PPP1R2: variants seen among roughly 807,000 people sequenced by gnomAD.
The protein encoded by PPP1R2 is protein phosphatase inhibitor 2.
A neutral mutation model predicts 29.9 loss-of-function variants in PPP1R2; 16 were observed. That is an observed-to-expected ratio of 0.53 (90% CI 0.36 to 0.81). PPP1R2 has a LOEUF of 0.81. Ranked by LOEUF, PPP1R2 falls within the 30% of genes least tolerant of loss-of-function variation. PPP1R2 has a pLI of 0.00. For synonymous variants in PPP1R2, 76 were observed against 91.5 expected, an observed-to-expected ratio of 0.83 and a Z score of 0.96; for missense variants, 197 against 252.7, an observed-to-expected ratio of 0.78 and a Z score of 1.49.
Position 195,527,851 on chromosome 3 carries a change from C to T in PPP1R2, c.230+1943G>A. 5.6e-6 allele frequency: 2 copies of T among 360,280 alleles called. 1 individual carries two copies. Among genetic ancestry groups the T allele is most frequent in the South Asian group, 4.3e-5 (2 of 46,314 alleles). 22.3% of individuals were successfully genotyped at this position (360,280 alleles called of 1,614,324 possible). A position where few individuals can be genotyped will look rare whatever the true frequency, so the allele number is the denominator to read the frequency against. ...TGTTAATAGCCACTGCACTGGGCAA[C>T]ATAGCCAGATCTTGTATCTTTTTTT... On this transcript the variant is annotated intron_variant, in intron 2 of 5. Coordinates refer to ENST00000618156, the MANE Select transcript of PPP1R2 (RefSeq NM_006241.8).
chr3:195,516,209 C>CA lies in PPP1R2; in HGVS notation c.*686dup, dbSNP rs71180928. On this transcript the variant is annotated 3_prime_UTR_variant, in exon 6 of 6. Coordinates refer to ENST00000618156, the MANE Select transcript of PPP1R2 (RefSeq NM_006241.8). ...AAAAACATTAAAAAACAAAAACAAACAAAAACCCCCCAAAAACAAAAAACA... is the reference window on the plus strand; with the variant it reads ...AAAAACATTAAAAAACAAAAACAAACAAAAAACCCCCCAAAAACAAAAAACA... 6.7e-3 allele frequency: 1,024 copies of CA among 152,528 alleles called. 3 individuals are homozygous for CA. Among genetic ancestry groups the CA allele is most frequent in the South Asian group, 0.016 (77 of 4,826 alleles). The allele number at this position is 152,528 out of a possible 1,614,324, so 9.4% of individuals were successfully genotyped here.
In PPP1R2 at chr3:195,518,256, C is replaced by T. The variant is rs562120332; in HGVS notation, c.571+762G>A. ...CTTAAAAAAAAAATAAAAACAAAAACAGTTAAATAACTTGTCAATCCAACA... is the reference window on the plus strand; with the variant it reads ...CTTAAAAAAAAAATAAAAACAAAAATAGTTAAATAACTTGTCAATCCAACA... On this transcript the variant is annotated intron_variant, in intron 5 of 5. Coordinates refer to ENST00000618156, the MANE Select transcript of PPP1R2 (RefSeq NM_006241.8). 7.9e-5 allele frequency among the ~76,000 whole-genome samples: 12 copies of T among 152,118 alleles called. No individual in the cohort carries two copies. The South Asian group carries it at 2.5e-3, about 32-fold the overall frequency.
At chr3:195,535,116 C>T (rs1719327705) in intron 1 of PPP1R2, among the ~76,000 whole-genome samples, 1 of 152,052 alleles carries the variant, frequency 6.6e-6, no homozygotes, top group African/African-American at 2.4e-5. Context: ...GGTGTGGGGT[C>T]GGGTGGGAAG....
At position 195,532,219 on chromosome 3, in the gene PPP1R2, T is replaced by C. The variant is rs529257906; in HGVS notation, c.123-2318A>G. On this transcript the variant is annotated intron_variant, in intron 1 of 5. Transcript: ENST00000618156. ...CTAATTTTTCTTTTTCTTTTTCTTT[T>C]TTTTTTTTTTTTTTTACAGGTGGAG... is the stretch of plus-strand genomic sequence containing the variant. Among the ~76,000 whole-genome samples the C allele has an allele frequency of 6.6e-4, 96 of 145,972 alleles. 1 individual carries two copies. Among genetic ancestry groups the C allele is most frequent in the African/African-American group, 2.1e-3 (83 of 39,394 alleles).
At chr3:195,518,934 T>C (rs1429818949) in intron 5 of PPP1R2, 84 bp downstream of exon 5, 1 of 1,542,664 alleles carries the variant, frequency 6.5e-7, no homozygotes, top group Non-Finnish European at 8.7e-7. Flanking sequence ...TTCTGTTTTT[T>C]CACAAGTTTA....
intron 2 of PPP1R2, 38 bp downstream of exon 2, chr3:195,529,756 A>G: frequency 7.2e-7 from 1 of 1,391,110 alleles, no homozygotes; most frequent in Non-Finnish European, 9.9e-7. Context: ...GCAAAATGGA[A>G]GTAAGTCACA....
At chr3:195,542,839 G>T in intron 1 of PPP1R2, 65 bp downstream of exon 1, 1 of 1,520,056 alleles carries the variant, frequency 6.6e-7, no homozygotes, top group Non-Finnish European at 8.9e-7. Flanking sequence ...CCGCCCCTGG[G>T]GTCTGGGTAG....
chr3:195,536,276 T>G (rs894266484), intron 1 of PPP1R2, among the ~76,000 whole-genome samples: 2 of 114,416 alleles, frequency 1.7e-5, no homozygotes, highest in African/African-American at 7.0e-5. Context: ...CTGGGCAACA[T>G]AGCGAGACCC....
intron 1 of PPP1R2, among the ~76,000 whole-genome samples, chr3:195,539,951 T>C (rs1333232034): frequency 1.3e-5 from 2 of 152,240 alleles, no homozygotes; most frequent in African/African-American, 4.8e-5. Flanking sequence ...GTTTGAATTC[T>C]ATTTTTAAAA....
intron 4 of PPP1R2, among the ~76,000 whole-genome samples, chr3:195,521,897 T>A (rs1189312456): frequency 6.6e-6 from 1 of 152,142 alleles, no homozygotes; most frequent in Non-Finnish European, 1.5e-5. Flanking sequence ...GAGATCCTCC[T>A]GTCTCAGCCT....
chr3:195,521,865 G>T (rs1350914460), intron 4 of PPP1R2, among the ~76,000 whole-genome samples: 2 of 152,000 alleles, frequency 1.3e-5, no homozygotes, highest in East Asian at 3.9e-4. Context: ...TGGCCAGGCT[G>T]GTCTCAAACT....
At chr3:195,524,637 A>G (rs1718892678) in intron 3 of PPP1R2, among the ~76,000 whole-genome samples, 182 bp downstream of exon 3, 2 of 152,158 alleles carry the variant, frequency 1.3e-5, no homozygotes, top group Non-Finnish European at 2.9e-5. Flanking sequence ...AGACAAGACT[A>G]TAAAAGTTGG....
At chr3:195,542,843 T>C in intron 1 of PPP1R2, 61 bp downstream of exon 1, 2 of 1,528,830 alleles carry the variant, frequency 1.3e-6, no homozygotes, top group African/African-American at 1.4e-5. Context: ...CCCTGGGGTC[T>C]GGGTAGGTAA....
intron 2 of PPP1R2, chr3:195,529,229 C>T (rs1353962996): frequency 1.3e-5 from 2 of 152,142 alleles, no homozygotes; most frequent in Non-Finnish European, 2.9e-5. Flanking sequence ...TCTCATAATG[C>T]TTCTTGCATT....
At chr3:195,526,957 A>AT (rs1228047458) in intron 2 of PPP1R2, among the ~76,000 whole-genome samples, 1 of 151,686 alleles carries the variant, frequency 6.6e-6, no homozygotes, top group Non-Finnish European at 1.5e-5. Flanking sequence ...ATTTTTATGT[A>AT]TTTTCAGTAG....
At chr3:195,527,889 T>A (rs1719031288) in intron 2 of PPP1R2, 1 of 376,682 alleles carries the variant, frequency 2.7e-6, no homozygotes, top group Non-Finnish European at 5.1e-6. Context: ...TTTTAAGATT[T>A]TTAAAGTATA....
In PPP1R2 at chr3:195,516,387, TATAATTCTTTTCA is replaced by T. The variant is rs1359634699; in HGVS notation, c.*496_*508del. On this transcript the variant is annotated 3_prime_UTR_variant, in exon 6 of 6. Transcript: ENST00000618156. ...GGTCAGAAAATGCAACAGTAACTCTTATAATTCTTTTCAATTAAACAGACAAATCAAGTTGAAG... is the reference window on the plus strand; with the variant it reads ...GGTCAGAAAATGCAACAGTAACTCTTATTAAACAGACAAATCAAGTTGAAG... The T allele has an allele frequency of 6.6e-6, 1 of 152,654 alleles. No homozygotes were observed. Among genetic ancestry groups the T allele is most frequent in the Non-Finnish European group, 1.5e-5 (1 of 68,052 alleles). The allele number at this position is 152,654 out of a possible 1,614,324, so 9.5% of individuals were successfully genotyped here.
rs201433681 is a variant in PPP1R2, at chr3:195,524,921, T to G, written c.231-25A>C. The G allele has an allele frequency of 7.1e-5, 113 of 1,594,008 alleles. No individual in the cohort carries two copies. The East Asian group carries it at 2.5e-3, about 35-fold the overall frequency. ...ACTAGTATGACAAGCACATTGTAAT[T>G]AATACCTGAAACATACATTTTCAGC... On this transcript the variant is annotated intron_variant, in intron 2 of 5. Coordinates refer to ENST00000618156, the MANE Select transcript of PPP1R2 (RefSeq NM_006241.8).
intron 4 of PPP1R2, 96 bp from the exon 5 acceptor site, chr3:195,519,281 T>C: frequency 1.0e-6 from 1 of 953,854 alleles, no homozygotes; most frequent in Non-Finnish European, 1.5e-6. Flanking sequence ...GTGATGCTCA[T>C]TTGTTTTTGT....
Sources: gnomAD v4.1 joint callset for allele counts (sites outside exome capture counted in the v4.1 genomes callset) on GRCh38, gnomAD v4.1.1 for gene constraint, MANE v1.5 for transcripts, NCBI Gene and HGNC (gene_info 2026-07-23, HGNC 2026-07-21) for gene names.